CLOCK: variants seen among roughly 807,000 people sequenced by gnomAD.
CLOCK encodes circadian locomoter output cycles protein kaput.
A neutral mutation model predicts 118.4 loss-of-function variants in CLOCK; 43 were observed. The ratio of observed to expected loss-of-function variants is 0.36; its 90% CI spans 0.28 to 0.47. CLOCK has a LOEUF of 0.47. Ranked by LOEUF, CLOCK falls within the 20% of genes least tolerant of loss-of-function variation. The probability of loss-of-function intolerance (pLI) is 1.00; values close to 1 mark genes in which losing one functional copy is unlikely to be tolerated. For missense variants in CLOCK, 846 were observed against 999.9 expected (o/e 0.85, Z 2.08); for synonymous variants, 326 against 339.2 (o/e 0.96, Z 0.43).
chr4:55,486,569 A>G (rs1430667163), intron 3 of CLOCK: 1 of 151,866 alleles, frequency 6.6e-6, no homozygotes, highest in Non-Finnish European at 1.5e-5. Context: ...GGGACATGAC[A>G]GGTAAATTTT....
At chr4:55,522,779 A>G (rs1202557846) in intron 1 of CLOCK, among the ~76,000 whole-genome samples, 4 of 152,218 alleles carry the variant, frequency 2.6e-5, no homozygotes, top group African/African-American at 4.8e-5. Context: ...ACATACAAAC[A>G]TGCACATGTA....
chr4:55,459,039 A>C (rs1725120174), intron 10 of CLOCK, 29 bp from the exon 11 acceptor site: 2 of 1,563,266 alleles, frequency 1.3e-6, no homozygotes, highest in Non-Finnish European at 1.8e-6. Context: ...ATGTATCATC[A>C]GTTATGCCAG....
intron 18 of CLOCK, among the ~76,000 whole-genome samples, chr4:55,448,222 C>T (rs1724043698): frequency 6.6e-6 from 1 of 152,128 alleles, no homozygotes; most frequent in South Asian, 2.1e-4. Flanking sequence ...TTTGTACTGT[C>T]GGCATCTGCA....
At position 55,461,430 on chromosome 4, in the gene CLOCK, TGG is replaced by T. The variant is rs1006701603; in HGVS notation, c.560-2171_560-2170del. On this transcript the variant is annotated intron_variant, in intron 9 of 22. Coordinates refer to ENST00000513440, the MANE Select transcript of CLOCK (RefSeq NM_004898.4). The stretch of plus-strand genomic sequence containing the variant: ...AGATGCTTTCATTGCAATGAAGACC[TGG>T]ACCTCCATGAGGCAAAACAGCTGTT... 9.1e-4 allele frequency among the ~76,000 whole-genome samples: 139 copies of T among 152,278 alleles called. 1 individual carries two copies. The highest frequency in any genetic ancestry group is 3.4e-3 in the Middle Eastern group (1 of 294).
chr4:55,509,876 A>C (rs1052706898), intron 2 of CLOCK, 36 bp downstream of exon 2: 1 of 152,138 alleles, frequency 6.6e-6, no homozygotes, highest in Non-Finnish European at 1.5e-5. Context: ...ATTCCACCCA[A>C]CCATGATTAA....
At chr4:55,504,099 A>C (rs1024270994) in intron 2 of CLOCK, among the ~76,000 whole-genome samples, 3 of 151,132 alleles carry the variant, frequency 2.0e-5, no homozygotes, top group African/African-American at 7.3e-5. Context: ...CCTGGCTAAC[A>C]CAGTGAAACC....
chr4:55,523,611 C>G (rs1729979616), intron 1 of CLOCK, among the ~76,000 whole-genome samples: 1 of 152,164 alleles, frequency 6.6e-6, no homozygotes, highest in African/African-American at 2.4e-5. Context: ...ACTGGCTGAT[C>G]ATCCATGCAC....
rs546461813 is a variant in CLOCK, at chr4:55,445,298, C to G, written c.1540-513G>C. 1.6e-4 allele frequency among the ~76,000 whole-genome samples: 24 copies of G among 152,250 alleles called. No homozygotes were observed. The South Asian group carries it at 4.8e-3, about 30-fold the overall frequency. On this transcript the variant is annotated intron_variant, in intron 18 of 22. Transcript: ENST00000513440. ...CCTGCCCCGGCAGGTGGCTTTCCAG[C>G]AAGTCTCAATGACATCCTAGTGGGC...
At chr4:55,510,552 G>A (rs1369258396) in intron 1 of CLOCK, among the ~76,000 whole-genome samples, 2 of 151,072 alleles carry the variant, frequency 1.3e-5, no homozygotes, top group African/African-American at 4.9e-5. Context: ...GCTTTAACTC[G>A]GGAGATGGAG....
intron 5 of CLOCK, 36 bp from the exon 6 acceptor site, chr4:55,478,999 C>A: frequency 6.7e-7 from 1 of 1,502,446 alleles, no homozygotes. Context: ...TTTAAACAAT[C>A]CATTTAATTA....
At chr4:55,438,955 C>A (rs1723122815) in intron 21 of CLOCK, among the ~76,000 whole-genome samples, 1 of 152,146 alleles carries the variant, frequency 6.6e-6, no homozygotes, top group African/African-American at 2.4e-5. Flanking sequence ...GCAATAATTT[C>A]TTGGATATGA....
chr4:55,503,729 G>T (rs766818652), intron 2 of CLOCK, among the ~76,000 whole-genome samples: 16 of 151,882 alleles, frequency 1.1e-4, no homozygotes, highest in Non-Finnish European at 1.6e-4. Context: ...CTGCCTCTTT[G>T]TGGGTACTAA....
At position 55,474,363 on chromosome 4, in the gene CLOCK, T is replaced by C. The variant is rs575077708; in HGVS notation, c.348+1600A>G. 5.3e-5 allele frequency among the ~76,000 whole-genome samples: 8 copies of C among 152,150 alleles called. No individual in the cohort carries two copies. The South Asian group carries it at 1.7e-3, about 32-fold the overall frequency. On this transcript the variant is annotated intron_variant, in intron 7 of 22. Transcript: ENST00000513440. ...AAAGTTAGAAGAGAACAGAGGTAGG[T>C]TCATGAGGTATAAGGAAAGAGGCCA...
At position 55,503,978 on chromosome 4, in the gene CLOCK, T is replaced by TAAAAA. The variant is rs60471915; in HGVS notation, c.-136+5929_-136+5933dup. ...ACAGTTTCTATTTGGCAAAAAGAGG[T>TAAAAA]AAAAAAAAAAAAAAAAAAAAAAAAA... On this transcript the variant is annotated intron_variant, in intron 2 of 22. Transcript: ENST00000513440. Among the ~76,000 whole-genome samples, 157 of 71,138 alleles carry TAAAAA rather than the reference T, an allele frequency of 2.2e-3. 15 individuals carry two copies. The highest frequency in any genetic ancestry group is 3.5e-3 in the Non-Finnish European group (136 of 39,412). The allele number at this position is 71,138 out of a possible 152,430, so 46.7% of individuals were successfully genotyped here.
At chr4:55,465,777 C>G (rs1725690935) in intron 8 of CLOCK, among the ~76,000 whole-genome samples, 1 of 152,050 alleles carries the variant, frequency 6.6e-6, no homozygotes, top group Non-Finnish European at 1.5e-5. Flanking sequence ...CATGGAGAAA[C>G]CTTGTCTCTA....
At chr4:55,460,297 C>T (rs1365006885) in intron 9 of CLOCK, among the ~76,000 whole-genome samples, 1 of 152,164 alleles carries the variant, frequency 6.6e-6, no homozygotes, top group African/African-American at 2.4e-5. Flanking sequence ...CACAAAGGTT[C>T]TTCTGATCCT....
intron 8 of CLOCK, among the ~76,000 whole-genome samples, chr4:55,468,356 C>T (rs546513377): frequency 6.6e-6 from 1 of 152,216 alleles, no homozygotes; most frequent in Non-Finnish European, 1.5e-5. Context: ...ACTGAAAACT[C>T]CCCCCAAAAG....
At chr4:55,477,127 A>G (rs1726567917) in intron 6 of CLOCK, among the ~76,000 whole-genome samples, 1 of 152,124 alleles carries the variant, frequency 6.6e-6, no homozygotes, top group Admixed American at 6.6e-5. Flanking sequence ...TTCATTAAAC[A>G]TAGGCCTATT....
chr4:55,505,013 T>C (rs1728709173), intron 2 of CLOCK, among the ~76,000 whole-genome samples: 2 of 151,878 alleles, frequency 1.3e-5, no homozygotes, highest in South Asian at 4.2e-4. Context: ...TGAAACCCTG[T>C]CTTTACTAAA....
Sources: allele counts gnomAD v4.1 joint callset (sites outside exome capture counted in the v4.1 genomes callset), GRCh38; gene constraint gnomAD v4.1.1; transcripts MANE v1.5; gene names NCBI Gene and HGNC (gene_info 2026-07-23, HGNC 2026-07-21).